FBXL3: variants seen among roughly 807,000 people sequenced by gnomAD.
FBXL3 encodes F-box and leucine rich repeat protein 3.
FBXL3 carries 14 observed loss-of-function variants against 37.9 expected under a neutral mutation model. That is an observed-to-expected ratio of 0.37 (90% CI 0.24 to 0.58). The LOEUF is 0.58. FBXL3 is among the 20% of genes least tolerant of loss of function. The pLI, the probability that FBXL3 is intolerant of heterozygous loss-of-function variation, is 0.74. For missense variants in FBXL3, 327 were observed against 511.1 expected (o/e 0.64, Z 3.47); for synonymous variants, 194 against 180.1 (o/e 1.08, Z -0.62).
At chr13:77,011,045 A>T (rs2034541757) in intron 4 of FBXL3, 2 of 152,212 alleles carry the variant, frequency 1.3e-5, no homozygotes, top group South Asian at 4.1e-4. Context: ...CCAAATTAGA[A>T]AATAGGCAAA....
At chr13:77,012,695 A>C (rs2034575625) in intron 4 of FBXL3, 1 of 152,234 alleles carries the variant, frequency 6.6e-6, no homozygotes, top group Non-Finnish European at 1.5e-5. Context: ...AAATATGCAA[A>C]AGATAGATAG....
chr13:77,007,093 T>G lies in FBXL3; in HGVS notation c.*52A>C. 6.6e-6 allele frequency: 10 copies of G among 1,521,466 alleles called. No individual in the cohort carries two copies. Among genetic ancestry groups the G allele is most frequent in the Non-Finnish European group, 8.8e-6 (10 of 1,141,974 alleles). The allele number at this position is 1,521,466 out of a possible 1,614,324, so 94.2% of individuals were successfully genotyped here. A position where few individuals can be genotyped will look rare whatever the true frequency, so the allele number is the denominator to read the frequency against. ...ATATCAGAACTACAGCAAATAAAAC[T>G]TTAATTATAATACATTTGCTTGAAA... On this transcript the variant is annotated 3_prime_UTR_variant, in exon 5 of 5. Transcript: ENST00000355619.
intron 4 of FBXL3, chr13:77,013,642 C>T (rs1566228783): frequency 1.3e-5 from 2 of 152,226 alleles, no homozygotes; most frequent in Non-Finnish European, 2.9e-5. Context: ...CCAATCAGCA[C>T]TTCCCAAGCC....
chr13:77,026,732 C>G (rs867805819), intron 1 of FBXL3, 95 bp downstream of exon 1: 1 of 128,734 alleles, frequency 7.8e-6, no homozygotes, highest in Non-Finnish European at 1.7e-5. Flanking sequence ...CGCCCCCCCC[C>G]ACCCCACCCC....
At chr13:77,023,687 A>T (rs1046640043) in intron 1 of FBXL3, among the ~76,000 whole-genome samples, 1 of 152,190 alleles carries the variant, frequency 6.6e-6, no homozygotes, top group Non-Finnish European at 1.5e-5. Flanking sequence ...GTTTCGACCT[A>T]AACTTGGGGT....
intron 4 of FBXL3, among the ~76,000 whole-genome samples, chr13:77,011,139 C>T (rs1023426043): frequency 2.0e-5 from 3 of 151,488 alleles, no homozygotes; most frequent in African/African-American, 4.9e-5. Context: ...CAGAAGTTCG[C>T]GACCAGCCTG....
intron 1 of FBXL3, among the ~76,000 whole-genome samples, chr13:77,025,595 C>A (rs9318461): frequency 9.7e-4 from 144 of 148,734 alleles, no homozygotes; most frequent in Admixed American, 3.0e-3. Context: ...TGCCTGTAGT[C>A]TCAGCTACTA....
Position 77,018,718 on chromosome 13 carries a change from TC to T in FBXL3, c.352del (p.Asp118ThrfsTer18). 1 of 1,559,276 alleles carries T rather than the reference TC, an allele frequency of 6.4e-7. No individual in the cohort carries two copies. Among genetic ancestry groups the T allele is most frequent in the Non-Finnish European group, 8.6e-7 (1 of 1,158,000 alleles). On this transcript the variant is annotated frameshift_variant, in exon 3 of 5. Coordinates refer to ENST00000355619, the MANE Select transcript of FBXL3 (RefSeq NM_012158.4). LOFTEE classifies it high-confidence loss of function. ...NHLQYVSFKV[D>X]SSKESAEAAC... ...TGCTTCAGCTGATTCCTTGCTGCTG[TC>T]CACCTTAGAAAAGAAACACCGTTTA...
Position 77,006,162 on chromosome 13 carries a change from A to G in FBXL3, c.*983T>C, listed in dbSNP as rs914613170. The G allele has an allele frequency of 7.9e-5, 12 of 152,542 alleles. No individual in the cohort carries two copies. Among genetic ancestry groups the G allele is most frequent in the South Asian group, 2.1e-4 (1 of 4,830 alleles). 9.4% of individuals were successfully genotyped at this position (152,542 alleles called of 1,614,324 possible). A position where few individuals can be genotyped will look rare whatever the true frequency, so the allele number is the denominator to read the frequency against. On this transcript the variant is annotated 3_prime_UTR_variant, in exon 5 of 5. Transcript: ENST00000355619. Reference sequence around the variant, plus strand: ...TATGATTTTTAAAAATTTTACTTACATAACTATGTAATTCCAAAATAGAAA... The same window carrying G: ...TATGATTTTTAAAAATTTTACTTACGTAACTATGTAATTCCAAAATAGAAA...
intron 1 of FBXL3, among the ~76,000 whole-genome samples, chr13:77,024,732 G>C (rs1043661718): frequency 3.3e-5 from 5 of 152,002 alleles, no homozygotes; most frequent in Non-Finnish European, 7.4e-5. Flanking sequence ...TCTTGATCTA[G>C]ATATAAAAAC....
At chr13:77,009,102 A>G (rs1046845302) in intron 4 of FBXL3, 1 of 152,232 alleles carries the variant, frequency 6.6e-6, no homozygotes, top group Admixed American at 6.5e-5. Flanking sequence ...CAAAGCTGCA[A>G]TACAAACACA....
chr13:77,025,237 A>G (rs2034815635), intron 1 of FBXL3, among the ~76,000 whole-genome samples: 1 of 152,206 alleles, frequency 6.6e-6, no homozygotes, highest in South Asian at 2.1e-4. Context: ...TAGAGCACCA[A>G]AACTAGGCCT....
In FBXL3 at chr13:77,005,675, A is replaced by T. The variant is rs2154035741; in HGVS notation, c.*1470T>A. ...TATGTAGAAAATCACCTTTTGCTTT[A>T]TTCTTAAGAAGGCCATCCGTTTTAA... is the stretch of plus-strand genomic sequence containing the variant. On this transcript the variant is annotated 3_prime_UTR_variant, in exon 5 of 5. Coordinates refer to ENST00000355619, the MANE Select transcript of FBXL3 (RefSeq NM_012158.4). The T allele has an allele frequency of 6.6e-6, 1 of 152,224 alleles. No individual in the cohort carries two copies. Among genetic ancestry groups the T allele is most frequent in the South Asian group, 2.1e-4 (1 of 4,828 alleles). 9.4% of individuals were successfully genotyped at this position (152,224 alleles called of 1,614,324 possible). A position where few individuals can be genotyped will look rare whatever the true frequency, so the allele number is the denominator to read the frequency against.
In FBXL3 at chr13:77,021,569, G is replaced by C. The variant is rs371133632; in HGVS notation, c.292C>G (p.Leu98Val). Residue 98 changes from leucine to valine, a missense_variant, in exon 2 of 5, where the codon CTG (leucine) becomes GTG (valine). Coordinates refer to ENST00000355619, the MANE Select transcript of FBXL3 (RefSeq NM_012158.4). ...TGTCTTTTAATAATCTGTTTGATCA[G>C]CTCTGGATGGGTAGCTTTCAAATAA... ...TSYLKATHPE[L>V]IKQIIKRHSN... 42 of 1,613,970 alleles carry C rather than the reference G, an allele frequency of 2.6e-5. No homozygotes were observed. The highest frequency in any genetic ancestry group is 3.3e-5 in the Non-Finnish European group (39 of 1,180,014).
rs1374354041 is a variant in FBXL3, at chr13:77,007,199, T to C, written c.1233A>G (p.Glu411=). Residue 411 remains glutamate (E), a synonymous_variant, in exon 5 of 5, where the codon GAA becomes GAG. Coordinates refer to ENST00000355619, the MANE Select transcript of FBXL3 (RefSeq NM_012158.4). ...QKYSLEQIHW[E]VSKHLGRVWF... ...ACACCCTACCAAGATGCTTGGACAC[T>C]TCCCAGTGAATCTGCTCCAAACTAT... The C allele has an allele frequency of 6.2e-7, 1 of 1,613,806 alleles. No individual in the cohort carries two copies. The highest frequency in any genetic ancestry group is 1.7e-5 in the Admixed American group (1 of 60,010).
chr13:77,023,468 T>A (rs2034784060), intron 1 of FBXL3, among the ~76,000 whole-genome samples: 1 of 152,016 alleles, frequency 6.6e-6, no homozygotes, highest in South Asian at 2.1e-4. Context: ...GACGGCAGAT[T>A]ACAGGTAATT....
chr13:77,009,899 T>C (rs932367515), intron 4 of FBXL3: 2 of 152,188 alleles, frequency 1.3e-5, no homozygotes, highest in African/African-American at 4.8e-5. Context: ...ATGGCACATA[T>C]GCACCATGGA....
intron 1 of FBXL3, chr13:77,026,062 A>G (rs2034833015): frequency 2.0e-6 from 1 of 510,858 alleles, no homozygotes; most frequent in African/African-American, 2.1e-5. Flanking sequence ...AGATAACAGA[A>G]ACTAAGTTAC....
chr13:77,013,583 C>T (rs1185541154), intron 4 of FBXL3: 2 of 152,206 alleles, frequency 1.3e-5, no homozygotes, highest in Admixed American at 6.5e-5. Flanking sequence ...GAACAGAAGA[C>T]ATTAAGAAAA....
Sources: gnomAD v4.1 joint callset for allele counts (sites outside exome capture counted in the v4.1 genomes callset) on GRCh38, gnomAD v4.1.1 for gene constraint, MANE v1.5 for transcripts, NCBI Gene and HGNC (gene_info 2026-07-23, HGNC 2026-07-21) for gene names.